The following CPPED1 variants were observed in gnomAD, a reference collection of about 807,000 sequenced individuals.
The protein encoded by CPPED1 is serine/threonine-protein phosphatase CPPED1.
CPPED1 carries 28 observed loss-of-function variants against 28.0 expected under a neutral mutation model. The observed-to-expected ratio is 1.00, with a 90% CI of 0.74 to 1.37. The LOEUF (loss-of-function observed/expected upper bound fraction) is 1.37. CPPED1 is among the 40% of genes most tolerant of loss of function. CPPED1 has a pLI of 0.00. For missense variants in CPPED1, 504 were observed against 416.5 expected (o/e 1.21, Z -1.83); for synonymous variants, 198 against 180.2 (o/e 1.10, Z -0.79).
chr16:12,698,467 T>A (rs1057498882), intron 3 of CPPED1, among the ~76,000 whole-genome samples: 1 of 152,352 alleles, frequency 6.6e-6, no homozygotes, highest in Non-Finnish European at 1.5e-5. Flanking sequence ...AGTCTTGCTC[T>A]GTTGCCCAGA....
In CPPED1 at chr16:12,661,293, C is replaced by G. The variant is rs2079792845; in HGVS notation, c.*3593G>C. The G allele has an allele frequency of 6.6e-6, 1 of 152,164 alleles. No homozygotes were observed. Among genetic ancestry groups the G allele is most frequent in the Non-Finnish European group, 1.5e-5 (1 of 68,038 alleles). 9.4% of individuals were successfully genotyped at this position (152,164 alleles called of 1,614,324 possible). A position where few individuals can be genotyped will look rare whatever the true frequency, so the allele number is the denominator to read the frequency against. On this transcript the variant is annotated 3_prime_UTR_variant, in exon 4 of 4. Transcript: ENST00000381774. ...GGCCCTAGTCTAATTCAGATTTAAACTAGTGCTTGCCTTGTAACTCTGCAA... is the reference window on the plus strand; with the variant it reads ...GGCCCTAGTCTAATTCAGATTTAAAGTAGTGCTTGCCTTGTAACTCTGCAA...
intron 2 of CPPED1, among the ~76,000 whole-genome samples, chr16:12,708,183 A>G (rs190046071): frequency 0.013 from 1,967 of 152,144 alleles, 26 homozygotes; most frequent in Admixed American, 0.024. Context: ...TGGAAAAAAA[A>G]AAGATGAGCC....
intron 3 of CPPED1, among the ~76,000 whole-genome samples, chr16:12,689,944 G>C (rs1567276599): frequency 6.6e-6 from 1 of 152,154 alleles, no homozygotes. Context: ...TGTTCATCCT[G>C]AGTTGCTGCA....
Position 12,665,050 on chromosome 16 carries a change from T to A in CPPED1, c.781A>T (p.Met261Leu). The change falls in exon 4 of 4, where the codon ATG becomes TTG. Residue 261 changes from methionine (M) to leucine (L), a missense_variant. Transcript: ENST00000381774. ...CATCCAATGGCAGATGACACCACCATGTCGAGGTTCTGGTAGGTACCCCCG... is the reference window on the plus strand; with the variant it reads ...CATCCAATGGCAGATGACACCACCAAGTCGAGGTTCTGGTAGGTACCCCCG... Reference protein sequence around the residue: ...NAGGTYQNLDMVVSSAIGCQL... With the variant: ...NAGGTYQNLDLVVSSAIGCQL... 3.1e-6 allele frequency: 5 copies of A among 1,610,142 alleles called. No individual in the cohort carries two copies. The highest frequency in any genetic ancestry group is 4.2e-6 in the Non-Finnish European group (5 of 1,178,818).
At chr16:12,719,890 C>T (rs1467326279) in intron 2 of CPPED1, among the ~76,000 whole-genome samples, 1 of 151,838 alleles carries the variant, frequency 6.6e-6, no homozygotes. Flanking sequence ...GAGCTGAGAT[C>T]ATGCCACTGT....
intron 2 of CPPED1, among the ~76,000 whole-genome samples, chr16:12,707,422 A>G (rs963032732): frequency 5.3e-5 from 8 of 152,144 alleles, no homozygotes; most frequent in African/African-American, 1.9e-4. Context: ...GGTCTGGCTC[A>G]AGGTGCTGTC....
At chr16:12,672,041 T>C (rs1394475366) in intron 3 of CPPED1, among the ~76,000 whole-genome samples, 1 of 152,240 alleles carries the variant, frequency 6.6e-6, no homozygotes, top group Non-Finnish European at 1.5e-5. Context: ...GCTGCATGGT[T>C]TGCAGTCTAG....
intron 3 of CPPED1, among the ~76,000 whole-genome samples, chr16:12,670,000 A>T (rs984114395): frequency 1.3e-5 from 2 of 152,176 alleles, no homozygotes; most frequent in Non-Finnish European, 2.9e-5. Flanking sequence ...CCCACAGTAT[A>T]AAAAAATCCA....
At chr16:12,693,728 T>C (rs1360797781) in intron 3 of CPPED1, among the ~76,000 whole-genome samples, 1 of 152,204 alleles carries the variant, frequency 6.6e-6, no homozygotes, top group African/African-American at 2.4e-5. Context: ...AAGCTGGAGA[T>C]ACTGGAATTT....
At chr16:12,726,905 C>A (rs1254440215) in intron 2 of CPPED1, among the ~76,000 whole-genome samples, 12 of 152,144 alleles carry the variant, frequency 7.9e-5, no homozygotes, top group Admixed American at 7.9e-4. Flanking sequence ...GTGTACGGGG[C>A]TAGGTGCCTG....
chr16:12,743,123 T>C (rs2080265160), intron 2 of CPPED1, among the ~76,000 whole-genome samples: 1 of 152,184 alleles, frequency 6.6e-6, no homozygotes, highest in African/African-American at 2.4e-5. Flanking sequence ...CACCACATTA[T>C]AGGAACCACC....
At chr16:12,748,649 G>C (rs544483318) in intron 2 of CPPED1, among the ~76,000 whole-genome samples, 3 of 152,254 alleles carry the variant, frequency 2.0e-5, no homozygotes, top group East Asian at 1.9e-4. Context: ...ACTTTGGAAG[G>C]CTGAGGTGGG....
intron 2 of CPPED1, among the ~76,000 whole-genome samples, chr16:12,748,439 A>C (rs1197580812): frequency 6.6e-6 from 1 of 152,222 alleles, no homozygotes; most frequent in Admixed American, 6.5e-5. Context: ...ATTTCTGAGG[A>C]ATACATACAA....
intron 3 of CPPED1, among the ~76,000 whole-genome samples, chr16:12,696,322 T>C (rs1279768530): frequency 6.6e-6 from 1 of 152,032 alleles, no homozygotes; most frequent in South Asian, 2.1e-4. Context: ...GTCTAGCTAA[T>C]GGATAAAGCA....
At chr16:12,684,847 G>C (rs567414291) in intron 3 of CPPED1, among the ~76,000 whole-genome samples, 1 of 152,134 alleles carries the variant, frequency 6.6e-6, no homozygotes, top group Non-Finnish European at 1.5e-5. Flanking sequence ...ATGGATGGAT[G>C]GATGCACAGT....
At chr16:12,778,277 C>CTTTTTTTT (rs371883790) in intron 2 of CPPED1, among the ~76,000 whole-genome samples, 11 of 116,152 alleles carry the variant, frequency 9.5e-5, no homozygotes, top group Non-Finnish European at 1.5e-4. Context: ...TTCTTTCTTT[C>CTTTTTTTT]TTTTTTTTTT....
chr16:12,721,571 G>A (rs2080140229), intron 2 of CPPED1, among the ~76,000 whole-genome samples: 1 of 152,062 alleles, frequency 6.6e-6, no homozygotes, highest in African/African-American at 2.4e-5. Flanking sequence ...TGACCAACAT[G>A]GTGAAACCTC....
intron 2 of CPPED1, among the ~76,000 whole-genome samples, chr16:12,724,100 A>G (rs142241823): frequency 5.5e-4 from 83 of 152,208 alleles, no homozygotes; most frequent in Non-Finnish European, 6.8e-4. Flanking sequence ...TCCGGCCCCC[A>G]GGTTCCCTCT....
chr16:12,695,713 G>A (rs2079986340), intron 3 of CPPED1, among the ~76,000 whole-genome samples: 1 of 152,176 alleles, frequency 6.6e-6, no homozygotes, highest in Non-Finnish European at 1.5e-5. Context: ...GTTCAAATAA[G>A]GCAAATGCTG....
Sources: gnomAD v4.1 joint callset for allele counts (sites outside exome capture counted in the v4.1 genomes callset) on GRCh38, gnomAD v4.1.1 for gene constraint, MANE v1.5 for transcripts, NCBI Gene and HGNC (gene_info 2026-07-23, HGNC 2026-07-21) for gene names.